Variants in BTD observed in about 807,000 individuals in gnomAD.
The protein encoded by BTD is biotinidase, also known as biocytinase.
Under a neutral mutation model 17.7 loss-of-function variants are expected in BTD, and 13 were observed. The observed-to-expected ratio is 0.74, with a 90% CI of 0.48 to 1.17. The LOEUF (loss-of-function observed/expected upper bound fraction) is 1.17, where lower values mean the gene tolerates loss of function less well. BTD is among the 50% of genes most tolerant of loss of function. BTD has a pLI of 0.00. For missense variants in BTD, 674 were observed against 650.4 expected, an observed-to-expected ratio of 1.04 and a Z score of -0.39; for synonymous variants, 240 against 245.2, an observed-to-expected ratio of 0.98 and a Z score of 0.20.
downstream of BTD, chr3:15,713,583 C>A (rs776103250): frequency 1.2e-6 from 2 of 1,611,246 alleles, no homozygotes; most frequent in South Asian, 2.2e-5. Context: ...CATGGCCATA[C>A]CGTGCTGCTA....
chr3:15,701,705 G>T (rs973214767), intron 3 of BTD, among the ~76,000 whole-genome samples: 1 of 152,054 alleles, frequency 6.6e-6, no homozygotes. Context: ...CTATGATAAA[G>T]AAATAAAATA....
At chr3:15,625,915 T>G (rs1190009184) in intron 1 of BTD, among the ~76,000 whole-genome samples, 1 of 152,254 alleles carries the variant, frequency 6.6e-6, no homozygotes, top group African/African-American at 2.4e-5. Flanking sequence ...TGTTTATGAT[T>G]TATTTTCTTG....
At chr3:15,631,280 A>G in intron 1 of BTD, 2 of 644,736 alleles carry the variant, frequency 3.1e-6, no homozygotes, top group Non-Finnish European at 5.0e-6. Flanking sequence ...TAATCATAGG[A>G]TTGCTATTCT....
At chr3:15,713,791 C>A, downstream of BTD, 1 of 469,218 alleles carries the variant, frequency 2.1e-6, no homozygotes, top group Non-Finnish European at 3.8e-6. Context: ...TTTATTGGGC[C>A]AGGCAATGGA....
chr3:15,615,533 A>T (rs1303773615), intron 1 of BTD, among the ~76,000 whole-genome samples: 1 of 152,222 alleles, frequency 6.6e-6, no homozygotes, highest in Non-Finnish European at 1.5e-5. Context: ...AGATTGGGAC[A>T]TGTTCCAGTA....
intron 3 of BTD, chr3:15,668,488 T>C (rs1436175603): frequency 1.3e-5 from 2 of 152,598 alleles, no homozygotes; most frequent in East Asian, 3.9e-4. Context: ...AGATGGGGGA[T>C]TAGATTTATA....
rs2065922919 is a variant in BTD, at chr3:15,661,356, T to G, written c.399+19299T>G. ...TTTGGTGTTGTCAGTGTTCTGAATT[T>G]CCACCATTCTAATTGGTGTGTTGTG... On this transcript the variant is annotated intron_variant, in intron 3 of 3. Transcript: ENST00000672141. Among the ~76,000 whole-genome samples, 3 of 152,034 alleles carry G rather than the reference T, an allele frequency of 2.0e-5. No individual in the cohort carries two copies. In the South Asian group the frequency reaches 6.2e-4, roughly 32 times the overall value.
At chr3:15,713,551 A>G (rs899409149), downstream of BTD, 7 of 1,611,644 alleles carry the variant, frequency 4.3e-6, no homozygotes, top group African/African-American at 1.3e-5. Context: ...ACCACTTGTA[A>G]TAAGAGTGTT....
chr3:15,625,699 G>A (rs994150070), intron 1 of BTD, among the ~76,000 whole-genome samples: 1 of 152,136 alleles, frequency 6.6e-6, no homozygotes, highest in African/African-American at 2.4e-5. Context: ...GGGACTACAG[G>A]CACCCGCCCC....
At chr3:15,601,592 T>G, upstream of BTD, 1 of 1,584,698 alleles carries the variant, frequency 6.3e-7, no homozygotes, top group Non-Finnish European at 8.6e-7. Context: ...GGCAACCAAC[T>G]GCCTTAAACA....
chr3:15,654,948 G>A (rs999631824), downstream of BTD, among the ~76,000 whole-genome samples: 7 of 152,124 alleles, frequency 4.6e-5, no homozygotes, highest in African/African-American at 1.7e-4. Flanking sequence ...GGTCAGGCTG[G>A]TCTCAAACTA....
At chr3:15,685,431 A>G (rs1220350312) in intron 3 of BTD, 2 of 1,613,920 alleles carry the variant, frequency 1.2e-6, no homozygotes, top group African/African-American at 1.3e-5. Flanking sequence ...CACATTCTTC[A>G]TGGCCTGTAA....
rs376633083 is a variant in BTD, at chr3:15,694,517, CTTTT to C, written c.400-15532_400-15529del. 2.8e-5 allele frequency among the ~76,000 whole-genome samples: 4 copies of C among 142,648 alleles called. No individual in the cohort carries two copies. In the East Asian group the frequency reaches 8.0e-4, roughly 29 times the overall value. The allele number at this position is 142,648 out of a possible 152,430, so 93.6% of individuals were successfully genotyped here. Reference sequence around the variant, plus strand: ...GGGAAGCCTAAGGATCACTGTCTGTCTTTTTTTTTTTTTTCTAAAGCAAGAAACA... The same window carrying C: ...GGGAAGCCTAAGGATCACTGTCTGTCTTTTTTTTTTCTAAAGCAAGAAACA... On this transcript the variant is annotated intron_variant, in intron 3 of 3. Transcript: ENST00000672141.
chr3:15,700,728 C>G (rs776664182), intron 3 of BTD, among the ~76,000 whole-genome samples: 1 of 151,986 alleles, frequency 6.6e-6, no homozygotes, highest in Non-Finnish European at 1.5e-5. Context: ...GAGCAGAGAT[C>G]GCGCCACTGC....
At chr3:15,695,686 CA>C (rs1330935230) in intron 3 of BTD, among the ~76,000 whole-genome samples, 8 of 151,980 alleles carry the variant, frequency 5.3e-5, no homozygotes. Flanking sequence ...AGAATCAGAC[CA>C]CAGCAGAAAT....
At chr3:15,654,442 C>T (rs1194840418), downstream of BTD, among the ~76,000 whole-genome samples, 1 of 152,022 alleles carries the variant, frequency 6.6e-6, no homozygotes, top group Non-Finnish European at 1.5e-5. Flanking sequence ...CATATCCAAG[C>T]CATGAGGACT....
intron 3 of BTD, chr3:15,694,868 T>G (rs2069312234): frequency 6.6e-7 from 1 of 1,504,548 alleles, no homozygotes; most frequent in Non-Finnish European, 9.2e-7. Flanking sequence ...GCAATTATTC[T>G]CTCCCACCCA....
chr3:15,716,261 C>T (rs901814520), downstream of BTD, among the ~76,000 whole-genome samples: 8 of 149,946 alleles, frequency 5.3e-5, no homozygotes, highest in African/African-American at 2.0e-4. Context: ...GGATTACAGG[C>T]ATGAGCCACC....
At chr3:15,663,455 G>A (rs2065946346) in intron 3 of BTD, among the ~76,000 whole-genome samples, 1 of 152,100 alleles carries the variant, frequency 6.6e-6, no homozygotes, top group Non-Finnish European at 1.5e-5. Flanking sequence ...AATCCATCTG[G>A]GTCTGGTGCT....
Sources: allele counts gnomAD v4.1 joint callset (sites outside exome capture counted in the v4.1 genomes callset), GRCh38; gene constraint gnomAD v4.1.1; transcripts MANE v1.5; gene names NCBI Gene and HGNC (gene_info 2026-07-23, HGNC 2026-07-21).